STX8: variants seen among roughly 807,000 people sequenced by gnomAD.
STX8 encodes syntaxin 8, also known as syntaxin-8.
Under a neutral mutation model 37.5 loss-of-function variants are expected in STX8, and 23 were observed. That is an observed-to-expected ratio of 0.61 (90% CI 0.44 to 0.87). The LOEUF is 0.87. STX8 is among the 40% of genes least tolerant of loss of function. STX8 has a pLI of 0.00. For missense variants in STX8, 313 were observed against 284.7 expected (o/e 1.10, Z -0.71); for synonymous variants, 115 against 99.1 (o/e 1.16, Z -0.95).
intron 6 of STX8, among the ~76,000 whole-genome samples, chr17:9,406,944 G>A (rs116853302): frequency 6.6e-6 from 1 of 152,158 alleles, no homozygotes; most frequent in Non-Finnish European, 1.5e-5. Context: ...TGGAGGCAAG[G>A]AGGGCTGATG....
At chr17:9,260,752 G>GGCA in intron 7 of STX8, among the ~76,000 whole-genome samples, 1 of 152,320 alleles carries the variant, frequency 6.6e-6, no homozygotes, top group African/African-American at 2.4e-5. Context: ...GGAAGAGAGA[G>GGCA]GCACCTGGCA....
intron 7 of STX8, among the ~76,000 whole-genome samples, chr17:9,305,292 C>T (rs1908940460): frequency 2.0e-5 from 3 of 152,000 alleles, no homozygotes; most frequent in Non-Finnish European, 4.4e-5. Context: ...GGGGTTGCAC[C>T]ATGTTGGCCA....
chr17:9,540,849 A>T (rs576040723), intron 4 of STX8: 10 of 152,264 alleles, frequency 6.6e-5, no homozygotes, highest in African/African-American at 2.4e-4. Flanking sequence ...CATGTAAATA[A>T]GTCTGGCCAG....
chr17:9,412,845 T>C (rs896057083), intron 6 of STX8, among the ~76,000 whole-genome samples: 2 of 152,054 alleles, frequency 1.3e-5, no homozygotes, highest in African/African-American at 4.8e-5. Context: ...ATGATAAAAA[T>C]AGGTTGAGAA....
At chr17:9,254,200 T>C (rs1211555461) in intron 7 of STX8, among the ~76,000 whole-genome samples, 2 of 152,184 alleles carry the variant, frequency 1.3e-5, no homozygotes, top group African/African-American at 2.4e-5. Context: ...CCTGGCTGTC[T>C]CCGGTGCCCC....
chr17:9,542,424 T>C (rs1382570413), intron 4 of STX8, among the ~76,000 whole-genome samples: 1 of 151,864 alleles, frequency 6.6e-6, no homozygotes, highest in Non-Finnish European at 1.5e-5. Flanking sequence ...ACGCCTGTAA[T>C]CCCAGCACTT....
At chr17:9,444,182 T>C (rs1359358101) in intron 6 of STX8, among the ~76,000 whole-genome samples, 3 of 152,036 alleles carry the variant, frequency 2.0e-5, no homozygotes, top group Non-Finnish European at 2.9e-5. Flanking sequence ...AGAGACAGAG[T>C]CTTGCTATGT....
chr17:9,345,971 C>T (rs1235321383), intron 7 of STX8, among the ~76,000 whole-genome samples: 1 of 149,262 alleles, frequency 6.7e-6, no homozygotes, highest in Non-Finnish European at 1.5e-5. Context: ...CCTGCCTCAG[C>T]CTCCTGAGTA....
intron 7 of STX8, among the ~76,000 whole-genome samples, chr17:9,343,560 G>A (rs1304259298): frequency 6.6e-6 from 1 of 152,170 alleles, no homozygotes; most frequent in Non-Finnish European, 1.5e-5. Context: ...TGGTTCCCAT[G>A]CACCTCCCTT....
chr17:9,425,688 C>T (rs751321172), intron 6 of STX8, among the ~76,000 whole-genome samples: 6 of 152,146 alleles, frequency 3.9e-5, no homozygotes, highest in Non-Finnish European at 8.8e-5. Flanking sequence ...AAAATAATTG[C>T]GGTACAGCAT....
chr17:9,333,348 G>T (rs1432808838), intron 7 of STX8, among the ~76,000 whole-genome samples: 1 of 152,086 alleles, frequency 6.6e-6, no homozygotes, highest in East Asian at 1.9e-4. Flanking sequence ...AGAACACATG[G>T]TATTTGGTTT....
In STX8 at chr17:9,476,580, G is replaced by C. The variant is rs147157470; in HGVS notation, c.541+15249C>G. 4.7e-3 allele frequency among the ~76,000 whole-genome samples: 721 copies of C among 151,984 alleles called. 3 individuals are homozygous for C. The highest frequency in any genetic ancestry group is 0.016 in the African/African-American group (654 of 41,490). ...CTATTCTCCTGGCTCAGCCTCCCAA[G>C]TAGCTGGGATTAGAGGCACATGCCA... is the stretch of plus-strand genomic sequence containing the variant. On this transcript the variant is annotated intron_variant, in intron 6 of 7. Transcript: ENST00000306357.
At chr17:9,545,993 A>G (rs1213525141) in intron 3 of STX8, among the ~76,000 whole-genome samples, 1 of 152,176 alleles carries the variant, frequency 6.6e-6, no homozygotes, top group African/African-American at 2.4e-5. Context: ...TTTCCTACAT[A>G]TTAATACCCT....
chr17:9,502,136 C>T (rs1379189065), intron 5 of STX8, among the ~76,000 whole-genome samples: 1 of 152,160 alleles, frequency 6.6e-6, no homozygotes, highest in Non-Finnish European at 1.5e-5. Flanking sequence ...TTATGGAAAA[C>T]AGTATGGAGG....
intron 7 of STX8, among the ~76,000 whole-genome samples, chr17:9,278,896 T>C (rs1907779376): frequency 6.6e-6 from 1 of 151,706 alleles, no homozygotes; most frequent in Non-Finnish European, 1.5e-5. Flanking sequence ...TCTGTCACTA[T>C]CTGATGAGGA....
chr17:9,403,055 C>T (rs898003065), intron 6 of STX8, among the ~76,000 whole-genome samples: 2 of 152,122 alleles, frequency 1.3e-5, no homozygotes, highest in Admixed American at 6.5e-5. Flanking sequence ...CCAAAAGAGA[C>T]AAAGGGCATT....
At position 9,480,325 on chromosome 17, in the gene STX8, T is replaced by C. The variant is rs74486135; in HGVS notation, c.541+11504A>G. Among the ~76,000 whole-genome samples the C allele has an allele frequency of 5.6e-3, 846 of 152,338 alleles. 8 individuals are homozygous for C. Among genetic ancestry groups the C allele is most frequent in the African/African-American group, 0.019 (800 of 41,586 alleles). ...ATGTACTGAGGAAGGAAATATATTATTTTGGATTTAGGAAAAATACCTTAC... is the reference window on the plus strand; with the variant it reads ...ATGTACTGAGGAAGGAAATATATTACTTTGGATTTAGGAAAAATACCTTAC... On this transcript the variant is annotated intron_variant, in intron 6 of 7. Coordinates refer to ENST00000306357, the MANE Select transcript of STX8 (RefSeq NM_004853.3).
chr17:9,356,658 C>G (rs1418289934), intron 7 of STX8, among the ~76,000 whole-genome samples: 1 of 152,190 alleles, frequency 6.6e-6, no homozygotes, highest in Non-Finnish European at 1.5e-5. Context: ...CCTCTCTTTC[C>G]CCATCTGCTT....
chr17:9,308,865 C>G lies in STX8; in HGVS notation c.644-58220G>C, dbSNP rs1376854128. ...GTTCAAAGTACACAGAATGTCAAAG[C>G]ACCATATTTTGGGGTATCGTTTGCA... On this transcript the variant is annotated intron_variant, in intron 7 of 7. Transcript: ENST00000306357. 2.0e-5 allele frequency among the ~76,000 whole-genome samples: 3 copies of G among 152,092 alleles called. No homozygotes were observed. In the East Asian group the frequency reaches 5.8e-4, roughly 29 times the overall value.
Sources: allele counts gnomAD v4.1 joint callset (sites outside exome capture counted in the v4.1 genomes callset), GRCh38; gene constraint gnomAD v4.1.1; transcripts MANE v1.5; gene names NCBI Gene and HGNC (gene_info 2026-07-23, HGNC 2026-07-21).